The following SYN2 variants were observed in gnomAD, a reference collection of about 807,000 sequenced individuals.
The protein encoded by SYN2 is synapsin-2.
SYN2 carries 19 observed loss-of-function variants against 50.9 expected under a neutral mutation model. That is an observed-to-expected ratio of 0.37 (90% confidence interval 0.26 to 0.55). The LOEUF (loss-of-function observed/expected upper bound fraction) is 0.55. SYN2 is among the 20% of genes least tolerant of loss of function. SYN2 has a pLI of 0.81. For synonymous variants in SYN2, 255 were observed against 224.9 expected, an observed-to-expected ratio of 1.13 and a Z score of -1.20; for missense variants, 587 against 576.4, an observed-to-expected ratio of 1.02 and a Z score of -0.19.
intron 1 of SYN2, among the ~76,000 whole-genome samples, chr3:12,043,621 C>T (rs1694668214): frequency 6.6e-6 from 1 of 152,116 alleles, no homozygotes; most frequent in South Asian, 2.1e-4. Context: ...CTACTTTCTT[C>T]TGTTGATTGC....
chr3:12,099,975 G>GAAAAAAA (rs376887129), intron 1 of SYN2, among the ~76,000 whole-genome samples: 71,117 of 119,892 alleles, frequency 0.59, 23,085 homozygotes, highest in East Asian at 0.9. Context: ...AAAAAAAAAA[G>GAAAAAAA]AAAAAAAAAA....
rs1698292821 is a variant in SYN2 at position 12,184,304 on chromosome 3, C to T, written c.1369+932C>T. On this transcript the variant is annotated intron_variant, in intron 11 of 12. Transcript: ENST00000621198. ...GATCTCAGTTGTTTCTTCATTGTTG[C>T]TGTTTCTGGATCCAGCCATGTGTGC... 3.0e-6 allele frequency: 3 copies of T among 984,436 alleles called. No homozygotes were observed. In the South Asian group the frequency reaches 1.4e-4, roughly 46 times the overall value. 61.0% of individuals were successfully genotyped at this position (984,436 alleles called of 1,614,324 possible).
intron 5 of SYN2, among the ~76,000 whole-genome samples, chr3:12,154,698 C>G (rs1697404663): frequency 6.6e-6 from 1 of 152,192 alleles, no homozygotes; most frequent in Non-Finnish European, 1.5e-5. Flanking sequence ...TAGCATGGTA[C>G]AGAGAGAAGA....
chr3:12,038,723 T>G (rs1458839149), intron 1 of SYN2, among the ~76,000 whole-genome samples: 1 of 152,200 alleles, frequency 6.6e-6, no homozygotes, highest in Non-Finnish European at 1.5e-5. Context: ...ATTGCTAGTA[T>G]ATAGAAATAC....
chr3:12,071,553 T>C (rs1033993140), intron 1 of SYN2: 4 of 343,234 alleles, frequency 1.2e-5, no homozygotes, highest in African/African-American at 8.5e-5. Context: ...TTTGACCTTG[T>C]ATTCAAGTTA....
At chr3:12,133,198 T>C (rs780269290) in intron 1 of SYN2, among the ~76,000 whole-genome samples, 3 of 152,248 alleles carry the variant, frequency 2.0e-5, no homozygotes, top group Non-Finnish European at 4.4e-5. Context: ...GCATTTGATA[T>C]AACAATTTAA....
chr3:12,126,149 A>G (rs1315022229), intron 1 of SYN2, among the ~76,000 whole-genome samples: 2 of 152,228 alleles, frequency 1.3e-5, no homozygotes, highest in Non-Finnish European at 2.9e-5. Context: ...AACAATATTT[A>G]AGTAGAAATC....
At chr3:12,011,436 A>C (rs529890218) in intron 1 of SYN2, among the ~76,000 whole-genome samples, 1 of 152,282 alleles carries the variant, frequency 6.6e-6, no homozygotes, top group East Asian at 1.9e-4. Flanking sequence ...CTGTGGAGAG[A>C]ATAAAGTGAG....
At chr3:12,126,037 A>G (rs1243625515) in intron 1 of SYN2, among the ~76,000 whole-genome samples, 7 of 152,234 alleles carry the variant, frequency 4.6e-5, no homozygotes, top group Non-Finnish European at 8.8e-5. Context: ...AGATAGTCAT[A>G]TACCAAAATT....
chr3:12,149,623 C>T (rs1279861737), intron 4 of SYN2, among the ~76,000 whole-genome samples: 2 of 152,118 alleles, frequency 1.3e-5, no homozygotes, highest in South Asian at 2.1e-4. Context: ...AGAGGGCTGG[C>T]CTAGAGACTC....
chr3:12,187,742 T>C (rs1698373786), intron 12 of SYN2, 130 bp downstream of exon 12: 2 of 1,368,300 alleles, frequency 1.5e-6, no homozygotes, highest in South Asian at 3.3e-5. Flanking sequence ...GGATTTGGTT[T>C]TTTTTTGTTA....
rs1182315423 is a variant in SYN2, at chr3:12,187,842, G to A, written c.1613+230G>A. Among the ~76,000 whole-genome samples the A allele has an allele frequency of 2.0e-5, 3 of 152,132 alleles. No homozygotes were observed. The East Asian group carries it at 5.8e-4, about 29-fold the overall frequency. On this transcript the variant is annotated intron_variant, in intron 12 of 12. Coordinates refer to ENST00000621198, the MANE Select transcript of SYN2 (RefSeq NM_133625.6). ...ACTGGAGAAGGGAGGAAAGAGGGAA[G>A]TGAAAGTCTAAAGTTTAGCTAGAAA... is the stretch of plus-strand genomic sequence containing the variant.
intron 5 of SYN2, among the ~76,000 whole-genome samples, chr3:12,160,067 GTAAA>G (rs1211460408): frequency 7.6e-5 from 9 of 118,580 alleles, no homozygotes; most frequent in Non-Finnish European, 1.1e-4. Flanking sequence ...AAAAAAAAAA[GTAAA>G]AGAAAAAACA....
chr3:12,143,334 G>T (rs983060966), intron 3 of SYN2, among the ~76,000 whole-genome samples: 2 of 152,116 alleles, frequency 1.3e-5, no homozygotes, highest in Non-Finnish European at 2.9e-5. Context: ...TTTGTTACAC[G>T]AATTATGTAC....
chr3:12,188,391 C>A (rs1479615717), intron 12 of SYN2, among the ~76,000 whole-genome samples: 3 of 152,208 alleles, frequency 2.0e-5, no homozygotes, highest in African/African-American at 7.2e-5. Context: ...TGTGCAGTGT[C>A]CCCAGCAGAC....
rs547266468 is a variant in SYN2, at chr3:12,148,080, C to T, written c.684+2245C>T. ...AATGAGCCAAGATCGCACCACTGTA[C>T]TCCAGCCTGGGCGACAGAGCGAGAC... On this transcript the variant is annotated intron_variant, in intron 4 of 12. Transcript: ENST00000621198. 7.9e-5 allele frequency among the ~76,000 whole-genome samples: 12 copies of T among 152,208 alleles called. No homozygotes were observed. In the East Asian group the frequency reaches 2.3e-3, roughly 29 times the overall value.
At chr3:12,060,090 A>C (rs2125161546) in intron 1 of SYN2, among the ~76,000 whole-genome samples, 1 of 152,360 alleles carries the variant, frequency 6.6e-6, no homozygotes, top group Middle Eastern at 3.4e-3. Flanking sequence ...TACTTGGAGC[A>C]GAAGCTGCTG....
At chr3:12,132,150 G>A (rs1696809956) in intron 1 of SYN2, among the ~76,000 whole-genome samples, 1 of 151,310 alleles carries the variant, frequency 6.6e-6, no homozygotes, top group South Asian at 2.1e-4. Context: ...TGGACTGCAG[G>A]CACATGCCAT....
intron 1 of SYN2, among the ~76,000 whole-genome samples, chr3:12,108,843 A>AAT (rs1475868755): frequency 8.2e-6 from 1 of 121,314 alleles, no homozygotes; most frequent in Admixed American, 7.4e-5. Context: ...TTTAGGAGCC[A>AAT]GTTTTTTTTT....
Sources: allele counts gnomAD v4.1 joint callset (sites outside exome capture counted in the v4.1 genomes callset), GRCh38; gene constraint gnomAD v4.1.1; transcripts MANE v1.5; gene names NCBI Gene and HGNC (gene_info 2026-07-23, HGNC 2026-07-21).